VRTN: variants seen among roughly 807,000 people sequenced by gnomAD.
VRTN encodes vertebrae development associated, also known as vertnin.
Under a neutral mutation model 18.2 loss-of-function variants are expected in VRTN, and 5 were observed. That is an observed-to-expected ratio of 0.27 (90% CI 0.14 to 0.58). VRTN has a LOEUF of 0.58. Ranked by LOEUF, VRTN falls within the 20% of genes least tolerant of loss-of-function variation. The pLI is 0.91. For missense variants in VRTN, 741 were observed against 939.4 expected, an observed-to-expected ratio of 0.79 and a Z score of 2.76; for synonymous variants, 381 against 393.7, an observed-to-expected ratio of 0.97 and a Z score of 0.38.
intron 2 of VRTN, among the ~76,000 whole-genome samples, chr14:74,338,233 A>T (rs959195969): frequency 6.6e-6 from 1 of 152,190 alleles, no homozygotes; most frequent in African/African-American, 2.4e-5. Flanking sequence ...CTATATTCAC[A>T]CTTACCCCTA....
At position 74,324,387 on chromosome 14, in the gene VRTN, C is replaced by CAAA. The variant is rs34158619; in HGVS notation, c.-163-13317_-163-13315dup. ...TGGGTGACAGAGTGAGACTCTGACTCAAAAAAAAAAAAAAAAAAAAAGAAG... is the reference window on the plus strand; with the variant it reads ...TGGGTGACAGAGTGAGACTCTGACTCAAAAAAAAAAAAAAAAAAAAAAAAGAAG... On this transcript the variant is annotated intron_variant, in intron 1 of 2. Coordinates refer to the VRTN transcript ENST00000557177. Among the ~76,000 whole-genome samples the CAAA allele has an allele frequency of 1.5e-3, 107 of 73,098 alleles. 1 individual carries two copies. The highest frequency in any genetic ancestry group is 2.0e-3 in the Non-Finnish European group (75 of 36,902). 48.0% of individuals were successfully genotyped at this position (73,098 alleles called of 152,430 possible).
At chr14:74,322,272 C>G (rs1216708894) in intron 1 of VRTN, among the ~76,000 whole-genome samples, 2 of 151,934 alleles carry the variant, frequency 1.3e-5, no homozygotes. Context: ...ACCTCAGCCT[C>G]TTGAGTAGCT....
At chr14:74,312,419 A>G (rs1311268663) in intron 1 of VRTN, among the ~76,000 whole-genome samples, 2 of 149,706 alleles carry the variant, frequency 1.3e-5, no homozygotes, top group Admixed American at 6.6e-5. Flanking sequence ...CAGTTTGACT[A>G]AAGAGCCCAT....
chr14:74,347,922 G>A (rs934222887), upstream of VRTN, among the ~76,000 whole-genome samples: 1 of 152,214 alleles, frequency 6.6e-6, no homozygotes, highest in Non-Finnish European at 1.5e-5. Flanking sequence ...TGGTGGAGAT[G>A]CAGCCTTTAG....
chr14:74,357,771 G>A lies in VRTN; in HGVS notation c.988G>A (p.Val330Met), dbSNP rs755595228. Residue 330 changes from valine to methionine, a missense_variant, in exon 2 of 2, where the codon GTG becomes ATG. Val to Met is a conservative substitution (Grantham distance 21). Coordinates refer to ENST00000256362, the MANE Select transcript of VRTN (RefSeq NM_018228.3). The surrounding 1 kb of genome is among the most constrained non-coding windows in gnomAD (Gnocchi z 7.8). The stretch of plus-strand genomic sequence containing the variant: ...GGACAGCTTCCACCGGGGGGGCGTC[G>A]TGCCACTTCAGCAGTTCCTCCAGCG... ...LQDSFHRGGV[V>M]PLQQFLQRFP... 10 of 1,612,954 alleles carry A rather than the reference G, an allele frequency of 6.2e-6. No individual in the cohort carries two copies. The highest frequency in any genetic ancestry group is 1.6e-4 in the Middle Eastern group (1 of 6,084).
Position 74,358,337 on chromosome 14 carries a change from G to C in VRTN, c.1554G>C (p.Gln518His). ...QRRLRRAARRQVLSGHLPFCR... is the reference protein window; with the variant it reads ...QRRLRRAARRHVLSGHLPFCR... The stretch of plus-strand genomic sequence containing the variant: ...GTCTGCGCAGGGCTGCCCGCAGGCA[G>C]GTGCTGAGTGGGCATCTCCCTTTCT... The change falls in exon 2 of 2, where the codon CAG becomes CAC. Residue 518 changes from glutamine to histidine, a missense_variant. By Grantham distance (24) the Gln-to-His change is conservative. Around this residue, in one of 3 missense-constraint regions of VRTN, gnomAD observed 494 missense variants for 546.5 expected, o/e 0.90. Coordinates refer to ENST00000256362, the MANE Select transcript of VRTN (RefSeq NM_018228.3). The surrounding 1 kb of genome is among the most constrained non-coding windows in gnomAD (Gnocchi z 5.4). The C allele has an allele frequency of 6.2e-7, 1 of 1,613,388 alleles. No individual in the cohort carries two copies.
chr14:74,313,532 A>G (rs2085401603), intron 1 of VRTN, among the ~76,000 whole-genome samples: 1 of 152,184 alleles, frequency 6.6e-6, no homozygotes, highest in South Asian at 2.1e-4. Context: ...ATCTTCCCCA[A>G]GTGAGAACAG....
chr14:74,354,542 C>T lies in VRTN; in HGVS notation c.-1-2241C>T, dbSNP rs949705554. ...GCCTCAGCCTCCTGAGTAGCTGGGACCACAGGCATGTGCTGCCACTCCTGG... is the reference window on the plus strand; with the variant it reads ...GCCTCAGCCTCCTGAGTAGCTGGGATCACAGGCATGTGCTGCCACTCCTGG... On this transcript the variant is annotated intron_variant, in intron 1 of 1. Coordinates refer to ENST00000256362, the MANE Select transcript of VRTN (RefSeq NM_018228.3). Among the ~76,000 whole-genome samples, 5 of 151,878 alleles carry T rather than the reference C, an allele frequency of 3.3e-5. 1 individual carries two copies. In the South Asian group the frequency reaches 8.3e-4, roughly 25 times the overall value.
chr14:74,355,891 G>C (rs925510097), intron 1 of VRTN, among the ~76,000 whole-genome samples: 1 of 151,504 alleles, frequency 6.6e-6, no homozygotes, highest in African/African-American at 2.4e-5. Flanking sequence ...GAGTGCAGTG[G>C]TGCGAGCATT....
intron 1 of VRTN, among the ~76,000 whole-genome samples, chr14:74,352,150 G>A (rs1013034587): frequency 4.1e-5 from 6 of 146,858 alleles, no homozygotes; most frequent in Non-Finnish European, 9.0e-5. Flanking sequence ...ACCATGCCCG[G>A]CCTCAGTACT....
chr14:74,322,941 C>T (rs572335271), intron 1 of VRTN, among the ~76,000 whole-genome samples: 2 of 152,078 alleles, frequency 1.3e-5, no homozygotes, highest in South Asian at 2.1e-4. Flanking sequence ...TGAGACCAGC[C>T]TGGCCAAAAT....
chr14:74,327,288 A>T (rs1026395017), intron 1 of VRTN, among the ~76,000 whole-genome samples: 5 of 152,166 alleles, frequency 3.3e-5, no homozygotes, highest in African/African-American at 9.7e-5. Flanking sequence ...TAGTGACAGG[A>T]TGTGAATCCA....
chr14:74,316,761 C>T (rs1386103455), intron 1 of VRTN, among the ~76,000 whole-genome samples: 2 of 151,296 alleles, frequency 1.3e-5, no homozygotes, highest in African/African-American at 2.4e-5. Flanking sequence ...CTCAGCCTCC[C>T]GAGTAGCTGG....
At chr14:74,318,711 C>CTTT (rs35673718) in intron 1 of VRTN, among the ~76,000 whole-genome samples, 2 of 121,684 alleles carry the variant, frequency 1.6e-5, no homozygotes. Flanking sequence ...CGTGTCCGGC[C>CTTT]TTTTTTTTTT....
At chr14:74,316,532 A>G (rs2085420347) in intron 1 of VRTN, among the ~76,000 whole-genome samples, 1 of 151,922 alleles carries the variant, frequency 6.6e-6, no homozygotes, top group Non-Finnish European at 1.5e-5. Flanking sequence ...AAACAAATGA[A>G]CAAACAACCT....
chr14:74,340,993 C>T (rs188444343), intron 2 of VRTN, among the ~76,000 whole-genome samples: 1,631 of 152,262 alleles, frequency 0.011, 17 homozygotes, highest in Non-Finnish European at 0.019. Flanking sequence ...CCGCCTGCCT[C>T]GGCCTCCCAG....
At position 74,328,420 on chromosome 14, in the gene VRTN, T is replaced by TA. The variant is rs2085501201; in HGVS notation, c.-163-9298dup. Among the ~76,000 whole-genome samples the TA allele has an allele frequency of 2.6e-5, 4 of 152,180 alleles. No individual in the cohort carries two copies. In the South Asian group the frequency reaches 8.3e-4, roughly 32 times the overall value. On this transcript the variant is annotated intron_variant, in intron 1 of 2. Transcript: ENST00000557177. The stretch of plus-strand genomic sequence containing the variant: ...AGTGCTGCCTTCAATTACCCCAAAA[T>TA]AAAAATATATAAATAAATATGTGTC...
chr14:74,352,165 A>ATTTTTTT (rs1459790939), intron 1 of VRTN, among the ~76,000 whole-genome samples: 1 of 143,636 alleles, frequency 7.0e-6, no homozygotes, highest in African/African-American at 2.6e-5. Context: ...AGTACTTTTA[A>ATTTTTTT]TTTTTTTTAT....
chr14:74,327,204 T>G (rs373461073), intron 1 of VRTN, among the ~76,000 whole-genome samples: 12 of 152,296 alleles, frequency 7.9e-5, no homozygotes, highest in African/African-American at 2.9e-4. Flanking sequence ...CATTTAATCC[T>G]CACCACAGCC....
Sources: allele counts gnomAD v4.1 joint callset (sites outside exome capture counted in the v4.1 genomes callset), GRCh38; gene constraint gnomAD v4.1.1; regional missense constraint gnomAD v4.1.1; non-coding constraint Gnocchi (gnomAD v3.1); transcripts MANE v1.5; gene names NCBI Gene and HGNC (gene_info 2026-07-23, HGNC 2026-07-21).